The following LSAMP variants were observed in gnomAD, a reference collection of about 807,000 sequenced individuals.
The protein encoded by LSAMP is limbic system associated membrane protein.
LSAMP carries 7 observed loss-of-function variants against 38.6 expected under a neutral mutation model. That is an observed-to-expected ratio of 0.18 (90% CI 0.10 to 0.34). The LOEUF is 0.34. LSAMP is among the 10% of genes least tolerant of loss of function. The pLI is 1.00. For missense variants in LSAMP, 313 were observed against 420.0 expected, an observed-to-expected ratio of 0.75 and a Z score of 2.23; for synonymous variants, 154 against 166.8, an observed-to-expected ratio of 0.92 and a Z score of 0.59.
At chr3:115,835,316 A>C (rs972407752) in intron 6 of LSAMP, among the ~76,000 whole-genome samples, 1 of 152,172 alleles carries the variant, frequency 6.6e-6, no homozygotes, top group Non-Finnish European at 1.5e-5. Context: ...TTGAACACTG[A>C]GGTCTTAGCT....
intron 1 of LSAMP, among the ~76,000 whole-genome samples, chr3:116,198,370 G>T (rs2045938593): frequency 6.6e-6 from 1 of 152,170 alleles, no homozygotes. Context: ...GTTAGTGAGT[G>T]ATGAAAGAGT....
chr3:116,209,081 G>A (rs1005875344), intron 1 of LSAMP, among the ~76,000 whole-genome samples: 2 of 152,338 alleles, frequency 1.3e-5, no homozygotes, highest in Admixed American at 6.5e-5. Context: ...CTCTGAGCCA[G>A]GTGCGGGATA....
rs1003110721 is a variant in LSAMP, at chr3:116,218,951, T to C, written c.156-132395A>G. On this transcript the variant is annotated intron_variant, in intron 1 of 6. Coordinates refer to ENST00000490035, the MANE Select transcript of LSAMP (RefSeq NM_002338.5). The stretch of plus-strand genomic sequence containing the variant: ...AGAACCATATACTTTTTCTACTTCA[T>C]TGTGGTAAGAACACTTAACATGAGA... Among the ~76,000 whole-genome samples, 4 of 152,364 alleles carry C rather than the reference T, an allele frequency of 2.6e-5. No homozygotes were observed. In the East Asian group the frequency reaches 5.8e-4, roughly 22 times the overall value.
At chr3:116,188,632 C>G (rs1456348119) in intron 1 of LSAMP, among the ~76,000 whole-genome samples, 1 of 152,108 alleles carries the variant, frequency 6.6e-6, no homozygotes, top group Admixed American at 6.5e-5. Flanking sequence ...TTTATTGTAA[C>G]CTAATGATAT....
At chr3:115,917,022 C>T (rs887825453) in intron 3 of LSAMP, among the ~76,000 whole-genome samples, 1 of 152,100 alleles carries the variant, frequency 6.6e-6, no homozygotes. Flanking sequence ...AATAGTTCTG[C>T]AAAATACCAA....
intron 1 of LSAMP, among the ~76,000 whole-genome samples, chr3:116,107,605 A>C (rs9818490): frequency 0.11 from 16,107 of 152,136 alleles, 2,709 homozygotes; most frequent in African/African-American, 0.36. Flanking sequence ...TGTGTTTTTA[A>C]GAGAATTATG....
At position 115,926,065 on chromosome 3, in the gene LSAMP, G is replaced by C. The variant is rs1308095253; in HGVS notation, c.515-73448C>G. On this transcript the variant is annotated intron_variant, in intron 3 of 6. Transcript: ENST00000490035. ...GAGCATTAAAAAGAAAAAAAAACAT[G>C]TAAGGGAGTTTGCTAAACTGTTATG... 4.6e-5 allele frequency among the ~76,000 whole-genome samples: 7 copies of C among 152,122 alleles called. No homozygotes were observed. The East Asian group carries it at 1.3e-3, about 29-fold the overall frequency.
At chr3:115,995,298 G>C (rs1197372732) in intron 3 of LSAMP, among the ~76,000 whole-genome samples, 7 of 152,004 alleles carry the variant, frequency 4.6e-5, no homozygotes, top group African/African-American at 1.7e-4. Context: ...TCACCTAAAA[G>C]TGCCTGTTCA....
intron 1 of LSAMP, among the ~76,000 whole-genome samples, chr3:116,206,507 T>A (rs2046071887): frequency 9.0e-6 from 1 of 111,618 alleles, no homozygotes. Context: ...GGGTGTCAAT[T>A]TTGGATCTTT....
At chr3:116,103,501 ACATAT>A (rs930595196) in intron 1 of LSAMP, among the ~76,000 whole-genome samples, 3 of 148,870 alleles carry the variant, frequency 2.0e-5, no homozygotes, top group Non-Finnish European at 4.5e-5. Flanking sequence ...AAGACAGTGT[ACATAT>A]CATATATTTT....
chr3:115,869,559 C>T (rs1162158097), intron 3 of LSAMP, among the ~76,000 whole-genome samples: 1 of 152,098 alleles, frequency 6.6e-6, no homozygotes, highest in Non-Finnish European at 1.5e-5. Context: ...ATTAAATTTG[C>T]TCTTACCATT....
chr3:116,204,614 C>A (rs368536882), intron 1 of LSAMP, among the ~76,000 whole-genome samples: 212 of 151,394 alleles, frequency 1.4e-3, no homozygotes, highest in African/African-American at 4.7e-3. Flanking sequence ...TCATCTTTCT[C>A]CATATGGCTA....
intron 1 of LSAMP, among the ~76,000 whole-genome samples, chr3:116,178,291 C>T (rs1442509001): frequency 1.3e-5 from 2 of 152,202 alleles, no homozygotes; most frequent in South Asian, 2.1e-4. Context: ...CTCAGCCTCC[C>T]GAGAACCCGG....
At position 116,273,707 on chromosome 3, in the gene LSAMP, TACACAC is replaced by T. The variant is rs10530643; in HGVS notation, c.155+171164_155+171169del. Among the ~76,000 whole-genome samples, 640 of 102,632 alleles carry T rather than the reference TACACAC, an allele frequency of 6.2e-3. 29 individuals carry two copies. Among genetic ancestry groups the T allele is most frequent in the African/African-American group, 0.028 (597 of 21,294 alleles). The allele number at this position is 102,632 out of a possible 152,430, so 67.3% of individuals were successfully genotyped here. ...GCATATATATATATATATATATATATACACACACACACACACGTATATATGTATACA... is the reference window on the plus strand; with the variant it reads ...GCATATATATATATATATATATATATACACACACACGTATATATGTATACA... On this transcript the variant is annotated intron_variant, in intron 1 of 6. Transcript: ENST00000490035.
At chr3:116,203,932 G>A (rs1300603306) in intron 1 of LSAMP, among the ~76,000 whole-genome samples, 4 of 152,084 alleles carry the variant, frequency 2.6e-5, no homozygotes, top group African/African-American at 9.7e-5. Flanking sequence ...GGGATGGCTG[G>A]GTCAAATGGT....
chr3:115,976,764 G>T (rs1015405743), intron 3 of LSAMP, among the ~76,000 whole-genome samples: 1 of 152,102 alleles, frequency 6.6e-6, no homozygotes, highest in Non-Finnish European at 1.5e-5. Context: ...TGGTTTAAAG[G>T]TGTGCGGCCC....
intron 1 of LSAMP, among the ~76,000 whole-genome samples, chr3:116,179,320 A>G (rs1710429149): frequency 6.6e-6 from 1 of 152,100 alleles, no homozygotes; most frequent in Non-Finnish European, 1.5e-5. Context: ...TCACAGGACC[A>G]CATAATTTCT....
intron 1 of LSAMP, among the ~76,000 whole-genome samples, chr3:116,347,938 T>G (rs1008450287): frequency 6.6e-6 from 1 of 151,966 alleles, no homozygotes; most frequent in Non-Finnish European, 1.5e-5. Flanking sequence ...TAGCCAGTAT[T>G]TTTTTACAAG....
intron 2 of LSAMP, among the ~76,000 whole-genome samples, chr3:116,042,398 T>C (rs1272492843): frequency 6.6e-6 from 1 of 152,056 alleles, no homozygotes. Flanking sequence ...ACTCTGGCAG[T>C]ATCAGTATCT....
Sources: allele counts gnomAD v4.1 joint callset (sites outside exome capture counted in the v4.1 genomes callset), GRCh38; gene constraint gnomAD v4.1.1; transcripts MANE v1.5; gene names NCBI Gene and HGNC (gene_info 2026-07-23, HGNC 2026-07-21).